TBCE: variants seen among roughly 807,000 people sequenced by gnomAD.
TBCE encodes the protein tubulin folding cofactor E, also known as tubulin-specific chaperone E.
In TBCE, 53 loss-of-function variants were observed where a neutral mutation model predicts 77.0. That is an observed-to-expected ratio of 0.69 (90% CI 0.55 to 0.87). The LOEUF (loss-of-function observed/expected upper bound fraction) is 0.87, where lower values mean the gene tolerates loss of function less well. Among genes scored for constraint, TBCE ranks in the 40% least tolerant of loss-of-function variants. TBCE has a pLI of 0.00. For missense variants in TBCE, 624 were observed against 622.4 expected, an observed-to-expected ratio of 1.00 and a Z score of -0.03; for synonymous variants, 235 against 241.3, an observed-to-expected ratio of 0.97 and a Z score of 0.24.
At position 235,448,751 on chromosome 1, in the gene TBCE, G is replaced by A. The variant is rs780010345; in HGVS notation, c.1573G>A (p.Val525Met). 20 of 1,612,222 alleles carry A rather than the reference G, an allele frequency of 1.2e-5. No individual in the cohort carries two copies. The highest frequency in any genetic ancestry group is 4.4e-5 in the South Asian group (4 of 91,030). ...YSVENGDCLL[V>M]RW ...TGTGGAAAATGGAGATTGTCTATTAGTGCGATGGTGACAACCAACTAATAA... is the reference window on the plus strand; with the variant it reads ...TGTGGAAAATGGAGATTGTCTATTAATGCGATGGTGACAACCAACTAATAA... The change falls in exon 17 of 17, where the codon GTG (valine) becomes ATG (methionine). Residue 525 changes from valine to methionine, a missense_variant. Physicochemically the swap from Val to Met is conservative, Grantham distance 21. Coordinates refer to ENST00000642610, the MANE Select transcript of TBCE (RefSeq NM_003193.5).
At chr1:235,396,288 G>C (rs1678714184) in intron 2 of TBCE, among the ~76,000 whole-genome samples, 1 of 151,902 alleles carries the variant, frequency 6.6e-6, no homozygotes. Flanking sequence ...TCGATCTCCT[G>C]ACCTCATGAT....
intron 2 of TBCE, among the ~76,000 whole-genome samples, chr1:235,390,850 G>A (rs1462732763): frequency 6.6e-6 from 1 of 151,908 alleles, no homozygotes; most frequent in Non-Finnish European, 1.5e-5. Flanking sequence ...TGTTTATTCT[G>A]AAGATGGAAG....
Position 235,448,391 on chromosome 1 carries a change from T to G in TBCE, c.1442T>G (p.Leu481Arg). The G allele has an allele frequency of 6.2e-7, 1 of 1,614,164 alleles. No individual in the cohort carries two copies. Among genetic ancestry groups the G allele is most frequent in the East Asian group, 2.2e-5 (1 of 44,886 alleles). Residue 481 changes from leucine (L) to arginine (R), a missense_variant, in exon 16 of 17, where the codon CTT becomes CGT. Leu to Arg is a moderately radical substitution (Grantham distance 102). Coordinates refer to ENST00000642610, the MANE Select transcript of TBCE (RefSeq NM_003193.5). The part of the protein sequence containing the change: ...IQKVKGLLSR[L>R]LKVPVSDLLL... ...AAGGTGAAGGGATTGCTGTCACGTC[T>G]TCTCAAAGTTCCTGTGTCAGACCTT...
chr1:235,407,267 G>T (rs1226306170), intron 3 of TBCE, among the ~76,000 whole-genome samples: 1 of 146,962 alleles, frequency 6.8e-6, no homozygotes, highest in Non-Finnish European at 1.5e-5. Context: ...TGATTTTTTT[G>T]TAGAGATGGA....
rs1558373098 is a variant in TBCE, at chr1:235,414,629, T to TTTA, written c.371+13_371+15dup. The TTTA allele has an allele frequency of 6.2e-7, 1 of 1,612,918 alleles. No homozygotes were observed. Among genetic ancestry groups the TTTA allele is most frequent in the East Asian group, 2.2e-5 (1 of 44,850 alleles). ...TATGAAACAGCAAAGGTAAGTGGAG[T>TTTA]TTATAACGGCAGAGCTGACTTTTAT... On this transcript the variant is annotated intron_variant, in intron 4 of 16. Coordinates refer to ENST00000642610, the MANE Select transcript of TBCE (RefSeq NM_003193.5).
chr1:235,430,027 C>T (rs1034074622), intron 6 of TBCE: 2 of 150,394 alleles, frequency 1.3e-5, no homozygotes, highest in Non-Finnish European at 2.9e-5. Flanking sequence ...ACAGGTTTCC[C>T]CTTTCATTCT....
chr1:235,391,489 A>G (rs1317315209), intron 2 of TBCE, among the ~76,000 whole-genome samples: 1 of 151,972 alleles, frequency 6.6e-6, no homozygotes, highest in Non-Finnish European at 1.5e-5. Flanking sequence ...TCAAAAAAAA[A>G]AAAGCGTAGA....
rs1403042112 is a variant in TBCE, at chr1:235,430,751, C to T, written c.607C>T (p.Leu203Phe). 2 of 1,613,644 alleles carry T rather than the reference C, an allele frequency of 1.2e-6. No homozygotes were observed. The highest frequency in any genetic ancestry group is 2.7e-5 in the African/African-American group (2 of 74,894). ...FPSGSVLTGT[L>F]SVLKVLVLNQ... Reference sequence around the variant, plus strand: ...CTCCGGTTCAGTATTAACTGGAACGCTTTCTGTACTGAAGGTTTTAGTCCT... The same window carrying T: ...CTCCGGTTCAGTATTAACTGGAACGTTTTCTGTACTGAAGGTTTTAGTCCT... The change falls in exon 7 of 17, where the codon CTT becomes TTT. Residue 203 changes from leucine (L) to phenylalanine (F), a missense_variant. By Grantham distance (22) the Leu-to-Phe change is conservative (BLOSUM62 0). Transcript: ENST00000642610.
At chr1:235,431,808 G>A (rs1681109529) in intron 7 of TBCE, among the ~76,000 whole-genome samples, 1 of 150,870 alleles carries the variant, frequency 6.6e-6, no homozygotes, top group African/African-American at 2.4e-5. Flanking sequence ...AGGTAGCTGG[G>A]ATTACAGGCA....
intron 15 of TBCE, among the ~76,000 whole-genome samples, chr1:235,445,365 A>G (rs1455272293): frequency 6.6e-6 from 1 of 152,242 alleles, no homozygotes; most frequent in East Asian, 1.9e-4. Flanking sequence ...ATGGTGGCTC[A>G]CACCTGTAAT....
intron 2 of TBCE, among the ~76,000 whole-genome samples, chr1:235,385,525 G>T (rs1677945290): frequency 6.6e-6 from 1 of 151,970 alleles, no homozygotes; most frequent in African/African-American, 2.4e-5. Context: ...TATATATTTA[G>T]GATAGTTAGC....
chr1:235,427,907 G>A (rs1680820867), intron 6 of TBCE, among the ~76,000 whole-genome samples: 1 of 152,106 alleles, frequency 6.6e-6, no homozygotes, highest in Admixed American at 6.6e-5. Context: ...GCATGCAACT[G>A]TAGTCCCAGC....
At position 235,398,752 on chromosome 1, in the gene TBCE, GCTA is replaced by G. The variant is rs1428347927; in HGVS notation, c.101-2748_101-2746del. On this transcript the variant is annotated intron_variant, in intron 2 of 16. Transcript: ENST00000642610. ...AGCCTTCCGAGTAGCTGGGACTACA[GCTA>G]CTGTAGTCCCAGCTACTCGGAAGGC... 3.5e-5 allele frequency among the ~76,000 whole-genome samples: 5 copies of G among 143,480 alleles called. No homozygotes were observed. In the East Asian group the frequency reaches 6.6e-4, roughly 19 times the overall value. 94.1% of individuals were successfully genotyped at this position (143,480 alleles called of 152,430 possible). A position where few individuals can be genotyped will look rare whatever the true frequency, so the allele number is the denominator to read the frequency against.
chr1:235,444,534 G>A (rs1039408278), intron 15 of TBCE, among the ~76,000 whole-genome samples: 8 of 152,138 alleles, frequency 5.3e-5, no homozygotes, highest in Non-Finnish European at 1.0e-4. Flanking sequence ...CTCCTGAGTA[G>A]CTGGGACTAT....
At chr1:235,380,455 T>G (rs1249349429) in intron 2 of TBCE, among the ~76,000 whole-genome samples, 1 of 152,164 alleles carries the variant, frequency 6.6e-6, no homozygotes, top group Non-Finnish European at 1.5e-5. Flanking sequence ...TCTTGAAACC[T>G]CATAAACCTC....
In TBCE at chr1:235,384,945, G is replaced by A. The variant is rs542130080; in HGVS notation, c.100+4796G>A. On this transcript the variant is annotated intron_variant, in intron 2 of 16. Transcript: ENST00000642610. Reference sequence around the variant, plus strand: ...TTGGATCTTTCCTGCTTTCTCTTGTGGGCATTTAGTGCTATAAATTTCCCT... The same window carrying A: ...TTGGATCTTTCCTGCTTTCTCTTGTAGGCATTTAGTGCTATAAATTTCCCT... Among the ~76,000 whole-genome samples the A allele has an allele frequency of 5.4e-3, 825 of 151,446 alleles. 8 individuals carry two copies. Among genetic ancestry groups the A allele is most frequent in the African/African-American group, 0.019 (802 of 41,238 alleles).
chr1:235,384,713 T>TTTA (rs1289631394), intron 2 of TBCE, among the ~76,000 whole-genome samples: 2 of 152,084 alleles, frequency 1.3e-5, no homozygotes, highest in East Asian at 3.9e-4. Context: ...CTCTTTTCTT[T>TTTA]TTATTAGTCT....
rs771725945 is a variant in TBCE, at chr1:235,441,863, G to A, written c.1320G>A (p.Met440Ile). 6.2e-7 allele frequency: 1 copy of A among 1,614,004 alleles called. No individual in the cohort carries two copies. The highest frequency in any genetic ancestry group is 8.5e-7 in the Non-Finnish European group (1 of 1,179,986). Residue 440 changes from methionine (M) to isoleucine (I), a missense_variant, in exon 14 of 17, where the codon ATG becomes ATA. Transcript: ENST00000642610. ...AACTCAAAACACAGCAACCACTTAT[G>A]CTGAAAAACCAGCTACTAAGTAAGA... ...DWELKTQQPL[M>I]LKNQLLTLKI...
At chr1:235,404,985 CAG>C (rs1332129237) in intron 3 of TBCE, among the ~76,000 whole-genome samples, 6 of 131,178 alleles carry the variant, frequency 4.6e-5, no homozygotes, top group South Asian at 2.4e-4. Flanking sequence ...TTTTTGGAGA[CAG>C]AGTCTTGCTC....
Sources: allele counts gnomAD v4.1 joint callset (sites outside exome capture counted in the v4.1 genomes callset), GRCh38; gene constraint gnomAD v4.1.1; transcripts MANE v1.5; gene names NCBI Gene and HGNC (gene_info 2026-07-23, HGNC 2026-07-21).